ARHGAP39: variants seen among roughly 807,000 people sequenced by gnomAD.
ARHGAP39 encodes Rho GTPase activating protein 39.
Under a neutral mutation model 106.9 loss-of-function variants are expected in ARHGAP39, and 44 were observed. The observed-to-expected ratio is 0.41, with a 90% CI of 0.32 to 0.53. The LOEUF (loss-of-function observed/expected upper bound fraction) is 0.53, where lower values mean the gene tolerates loss of function less well. Among genes scored for constraint, ARHGAP39 ranks in the 20% least tolerant of loss-of-function variants. The pLI is 0.21. For missense variants in ARHGAP39, 1,496 were observed against 1,577.3 expected (o/e 0.95, Z 0.87); for synonymous variants, 768 against 693.2 (o/e 1.11, Z -1.69).
chr8:144,657,942 T>TA (rs58021571), intron 1 of ARHGAP39, among the ~76,000 whole-genome samples: 11 of 151,964 alleles, frequency 7.2e-5, no homozygotes, highest in Non-Finnish European at 1.5e-4. Context: ...AAAATAAAAA[T>TA]AAAAAAACAA....
intron 7 of ARHGAP39, among the ~76,000 whole-genome samples, chr8:144,535,262 T>C (rs1238372526): frequency 6.6e-6 from 1 of 152,262 alleles, no homozygotes; most frequent in East Asian, 1.9e-4. Context: ...CCATCTCTAA[T>C]TATCACAGAA....
the ARHGAP39 span, among the ~76,000 whole-genome samples, chr8:144,692,873 C>T: frequency 1.6e-4 from 23 of 147,466 alleles, no homozygotes; most frequent in Admixed American, 8.2e-4. Flanking sequence ...GATTCTCCTA[C>T]TTCAGCCTCC....
At position 144,645,851 on chromosome 8, in the gene ARHGAP39, G is replaced by A. The variant is rs1821431672; in HGVS notation, c.-82+39835C>T. Among the ~76,000 whole-genome samples the A allele has an allele frequency of 6.6e-6, 1 of 152,224 alleles. No homozygotes were observed. Among genetic ancestry groups the A allele is most frequent in the Non-Finnish European group, 1.5e-5 (1 of 68,032 alleles). On this transcript the variant is annotated intron_variant, in intron 1 of 11. Coordinates refer to ENST00000377307, the MANE Select transcript of ARHGAP39 (RefSeq NM_025251.3). This position sits in a 1 kb window ranked among gnomAD's most constrained non-coding sequence, Gnocchi z 4.4. ...TGCAGGGGGAGCTGGGGGCAGCAGG[G>A]AGGACAGAGACACCTGCAGATGCTC...
intron 4 of ARHGAP39, among the ~76,000 whole-genome samples, chr8:144,555,051 G>A (rs1035687621): frequency 2.6e-5 from 4 of 152,198 alleles, no homozygotes; most frequent in Admixed American, 2.0e-4. Context: ...CCTCTGCCTG[G>A]ATATCCTGGG....
At chr8:144,674,912 G>C (rs1822191925) in intron 1 of ARHGAP39, among the ~76,000 whole-genome samples, 1 of 152,328 alleles carries the variant, frequency 6.6e-6, no homozygotes, top group South Asian at 2.1e-4. Flanking sequence ...TGGGGACCAG[G>C]AGCAGGGAGA....
At chr8:144,635,031 G>C (rs1290230384) in intron 1 of ARHGAP39, among the ~76,000 whole-genome samples, 1 of 152,268 alleles carries the variant, frequency 6.6e-6, no homozygotes, top group Non-Finnish European at 1.5e-5. Context: ...CCCTAATCTA[G>C]GTGTTCCCAC....
intron 2 of ARHGAP39, among the ~76,000 whole-genome samples, chr8:144,587,536 C>T (rs1019125270): frequency 1.3e-5 from 2 of 152,044 alleles, no homozygotes; most frequent in Non-Finnish European, 2.9e-5. Context: ...GGACGGAGCA[C>T]AGGATAGTCA....
At position 144,578,321 on chromosome 8, in the gene ARHGAP39, T is replaced by C. The variant is rs972849313; in HGVS notation, c.512+2525A>G. 3.9e-5 allele frequency among the ~76,000 whole-genome samples: 6 copies of C among 152,102 alleles called. No homozygotes were observed. The South Asian group carries it at 1.0e-3, about 26-fold the overall frequency. ...TCGGCTCACTGCAACCTCCACCTCC[T>C]GGCTTCAAGTGATTCTCCTGCCTCA... is the stretch of plus-strand genomic sequence containing the variant. On this transcript the variant is annotated intron_variant, in intron 3 of 11. Transcript: ENST00000377307.
At chr8:144,697,930 T>C in the ARHGAP39 span, among the ~76,000 whole-genome samples, 1 of 152,228 alleles carries the variant, frequency 6.6e-6, no homozygotes, top group Non-Finnish European at 1.5e-5. Context: ...TACTGTCTTA[T>C]TTATAATTTG....
chr8:144,639,916 T>G (rs776276169), intron 1 of ARHGAP39, among the ~76,000 whole-genome samples: 2 of 152,200 alleles, frequency 1.3e-5, no homozygotes, highest in Non-Finnish European at 2.9e-5. Context: ...TGCTTTGTCT[T>G]AGGAAACTGG....
At chr8:144,581,373 C>G (rs1818984372) in intron 2 of ARHGAP39, 96 bp from the exon 3 acceptor site, 3 of 1,304,024 alleles carry the variant, frequency 2.3e-6, no homozygotes, top group Non-Finnish European at 3.1e-6. Context: ...AGCTGCGAAA[C>G]CCAGAAATCC....
At chr8:144,550,641 C>T (rs1470337928) in intron 4 of ARHGAP39, among the ~76,000 whole-genome samples, 1 of 152,250 alleles carries the variant, frequency 6.6e-6, no homozygotes, top group Admixed American at 6.5e-5. Context: ...AGCACGGCCA[C>T]ACCACCCAGG....
In ARHGAP39 at chr8:144,548,273, C is replaced by T. The variant is rs373128040; in HGVS notation, c.813G>A (p.Arg271=). ...ADGTIFFPER[R]PSPFLKRAEL... is the part of the protein sequence containing the mutation. ...CGGCCCTCTTCAGGAAGGGTGACGG[C>T]CTCCTCTCTGGGAAGAAGATGGTGC... The change falls in exon 5 of 12, where the codon AGG becomes AGA. Residue 271 remains arginine (R), a synonymous_variant. Transcript: ENST00000377307. This position sits in a 1 kb window ranked among gnomAD's most constrained non-coding sequence, Gnocchi z 7.4. 8 of 1,608,744 alleles carry T rather than the reference C, an allele frequency of 5.0e-6. No homozygotes were observed. Among genetic ancestry groups the T allele is most frequent in the Middle Eastern group, 1.7e-4 (1 of 6,044 alleles).
At chr8:144,618,750 G>A (rs1025152188) in intron 1 of ARHGAP39, among the ~76,000 whole-genome samples, 11 of 152,254 alleles carry the variant, frequency 7.2e-5, no homozygotes, top group Non-Finnish European at 1.6e-4. Context: ...TCGCATGGGA[G>A]GCGCAGTGCT....
chr8:144,572,190 C>T (rs1009776004), intron 3 of ARHGAP39, among the ~76,000 whole-genome samples: 9 of 152,146 alleles, frequency 5.9e-5, no homozygotes, highest in Non-Finnish European at 1.2e-4. Flanking sequence ...GCAAAAATAA[C>T]AAAGCTGGAG....
the ARHGAP39 span, among the ~76,000 whole-genome samples, chr8:144,695,071 T>TTTTA: frequency 4.0e-5 from 6 of 148,304 alleles, no homozygotes; most frequent in African/African-American, 2.5e-5. Flanking sequence ...TCATCCATTC[T>TTTTA]TTTATTTATT....
At chr8:144,555,484 C>A (rs1817881228) in intron 4 of ARHGAP39, 76 bp downstream of exon 4, 2 of 1,278,632 alleles carry the variant, frequency 1.6e-6, no homozygotes, top group Admixed American at 3.4e-5. Context: ...CAGGCACCTC[C>A]CACTTGCAGT....
rs894018693 is a variant in ARHGAP39 at position 144,585,418 on chromosome 8, CA to C, written c.81-4142del. ...TCACCGAGAACCTGGAGGGGCCAGCCAGGGGTACCCAGCACCGGCTCACCGA... is the reference window on the plus strand; with the variant it reads ...TCACCGAGAACCTGGAGGGGCCAGCCGGGGTACCCAGCACCGGCTCACCGA... On this transcript the variant is annotated intron_variant, in intron 2 of 11. Transcript: ENST00000377307. The surrounding 1 kb of genome is among the most constrained non-coding windows in gnomAD (Gnocchi z 4.6). Among the ~76,000 whole-genome samples the C allele has an allele frequency of 2.6e-5, 4 of 151,356 alleles. No individual in the cohort carries two copies. Among genetic ancestry groups the C allele is most frequent in the African/African-American group, 4.8e-5 (2 of 41,238 alleles).
the ARHGAP39 span, among the ~76,000 whole-genome samples, chr8:144,699,862 C>T: frequency 6.6e-6 from 1 of 152,154 alleles, no homozygotes; most frequent in African/African-American, 2.4e-5. Context: ...GGCCCCCAGC[C>T]TGTCCAGGGC....
Sources: allele counts gnomAD v4.1 joint callset (sites outside exome capture counted in the v4.1 genomes callset), GRCh38; gene constraint gnomAD v4.1.1; non-coding constraint Gnocchi (gnomAD v3.1); transcripts MANE v1.5; gene names NCBI Gene and HGNC (gene_info 2026-07-23, HGNC 2026-07-21).